MEF2C: variants seen among roughly 807,000 people sequenced by gnomAD.
The protein encoded by MEF2C is myocyte enhancer factor 2C, also known as myocyte-specific enhancer factor 2C.
In MEF2C, 6 loss-of-function variants were observed where a neutral mutation model predicts 50.5. The observed-to-expected ratio is 0.12, with a 90% confidence interval of 0.07 to 0.23. MEF2C has a LOEUF of 0.23. Among genes scored for constraint, MEF2C ranks in the 10% least tolerant of loss-of-function variants. The pLI, the probability that MEF2C is intolerant of heterozygous loss-of-function variation, is 1.00. For synonymous variants in MEF2C, 183 were observed against 228.0 expected, an observed-to-expected ratio of 0.80 and a Z score of 1.78; for missense variants, 276 against 605.0, an observed-to-expected ratio of 0.46 and a Z score of 5.70.
At chr5:88,851,535 G>A (rs1248726224) in intron 1 of MEF2C, among the ~76,000 whole-genome samples, 6 of 152,038 alleles carry the variant, frequency 3.9e-5, no homozygotes, top group African/African-American at 9.7e-5. Context: ...ACCTGTACAA[G>A]TATTGGATGC....
chr5:88,777,902 T>TTC (rs1785658779), intron 3 of MEF2C, among the ~76,000 whole-genome samples: 1 of 131,394 alleles, frequency 7.6e-6, no homozygotes, highest in Non-Finnish European at 1.6e-5. Context: ...TTCTTTTCTT[T>TTC]TTTTTTTTTT....
chr5:88,896,355 C>T (rs1015343121), intron 1 of MEF2C, among the ~76,000 whole-genome samples: 3 of 152,192 alleles, frequency 2.0e-5, no homozygotes, highest in African/African-American at 7.2e-5. Context: ...TTCTGCCCCA[C>T]CAAAGCCACC....
chr5:88,871,461 G>C (rs771715581), intron 1 of MEF2C, among the ~76,000 whole-genome samples: 4 of 151,910 alleles, frequency 2.6e-5, no homozygotes, highest in African/African-American at 4.8e-5. Context: ...AGTATTCCTT[G>C]TGCTGAGCAC....
In MEF2C at chr5:88,851,233, CA is replaced by C. The variant is rs35458971; in HGVS notation, c.-142-27304del. ...GGTGACAGAGTGCCACTCCATCTCA[CA>C]AAAAAAAAAAAAAAAAAAGAATGCA... On this transcript the variant is annotated intron_variant, in intron 1 of 10. Coordinates refer to ENST00000504921, the MANE Select transcript of MEF2C (RefSeq NM_002397.5). 7.9e-3 allele frequency among the ~76,000 whole-genome samples: 846 copies of C among 106,790 alleles called. 8 individuals carry two copies. Among genetic ancestry groups the C allele is most frequent in the African/African-American group, 0.015 (408 of 26,916 alleles). The allele number at this position is 106,790 out of a possible 152,430, so 70.1% of individuals were successfully genotyped here.
chr5:88,717,845 G>C lies in MEF2C; in HGVS notation c.*4759C>G, dbSNP rs1357666656. 1 of 152,016 alleles carries C rather than the reference G, an allele frequency of 6.6e-6. No homozygotes were observed. Among genetic ancestry groups the C allele is most frequent in the Non-Finnish European group, 1.5e-5 (1 of 67,958 alleles). 9.4% of individuals were successfully genotyped at this position (152,016 alleles called of 1,614,324 possible). A position where few individuals can be genotyped will look rare whatever the true frequency, so the allele number is the denominator to read the frequency against. On this transcript the variant is annotated 3_prime_UTR_variant, in exon 11 of 11. Coordinates refer to ENST00000504921, the MANE Select transcript of MEF2C (RefSeq NM_002397.5). ...AACTTTTAGAAATTACTTCGAAGAA[G>C]AAAAAAGGAACTCTTTTGGAAACAC...
At chr5:88,770,972 C>T (rs556124368) in intron 3 of MEF2C, among the ~76,000 whole-genome samples, 3 of 152,222 alleles carry the variant, frequency 2.0e-5, no homozygotes, top group East Asian at 3.8e-4. Context: ...TTCACAGTTT[C>T]ACATGGCTGG....
intron 1 of MEF2C, among the ~76,000 whole-genome samples, chr5:88,854,920 C>T (rs1161111813): frequency 6.6e-6 from 1 of 152,136 alleles, no homozygotes; most frequent in Non-Finnish European, 1.5e-5. Context: ...GGGTCTTGTG[C>T]TTCCGAGAAC....
chr5:88,760,147 T>C, intron 4 of MEF2C, among the ~76,000 whole-genome samples: 1 of 152,242 alleles, frequency 6.6e-6, no homozygotes, highest in East Asian at 1.9e-4. Flanking sequence ...AGCCTTGGGT[T>C]TCACCCCTTT....
intron 1 of MEF2C, among the ~76,000 whole-genome samples, chr5:88,851,171 T>G (rs1821178222): frequency 7.0e-6 from 1 of 143,612 alleles, no homozygotes; most frequent in South Asian, 2.1e-4. Flanking sequence ...AGGTGGAGGT[T>G]GCAGTGAGCC....
intron 1 of MEF2C, among the ~76,000 whole-genome samples, chr5:88,846,948 A>C (rs1220974632): frequency 6.6e-6 from 1 of 152,228 alleles, no homozygotes; most frequent in Non-Finnish European, 1.5e-5. Flanking sequence ...TTGTGGCTGC[A>C]TTGTGAATTT....
intron 6 of MEF2C, among the ~76,000 whole-genome samples, 188 bp from the exon 7 acceptor site, chr5:88,732,089 G>A (rs1216250688): frequency 6.6e-6 from 1 of 152,154 alleles, no homozygotes; most frequent in Non-Finnish European, 1.5e-5. Flanking sequence ...TCTGAAGGAA[G>A]ATTAAAAACT....
chr5:88,748,789 G>A, intron 6 of MEF2C: 1 of 985,426 alleles, frequency 1.0e-6, no homozygotes, highest in Non-Finnish European at 1.2e-6. Flanking sequence ...TTGTGTCCAA[G>A]GATGGTATCC....
At chr5:88,892,556 T>C (rs1834706481) in intron 1 of MEF2C, among the ~76,000 whole-genome samples, 1 of 152,182 alleles carries the variant, frequency 6.6e-6, no homozygotes. Context: ...AGGTGGGAAT[T>C]GGTTCAGGAT....
chr5:88,872,495 C>T (rs1323752162), intron 1 of MEF2C, among the ~76,000 whole-genome samples: 1 of 151,876 alleles, frequency 6.6e-6, no homozygotes, highest in East Asian at 1.9e-4. Context: ...TAGATACTTG[C>T]TCTGAATGTG....
chr5:88,840,779 A>G (rs1487012832), intron 1 of MEF2C, among the ~76,000 whole-genome samples: 1 of 152,190 alleles, frequency 6.6e-6, no homozygotes, highest in African/African-American at 2.4e-5. Flanking sequence ...AAATTATTTA[A>G]TTCACTATTC....
chr5:88,753,028 G>C (rs530513519), intron 4 of MEF2C, among the ~76,000 whole-genome samples: 73 of 152,302 alleles, frequency 4.8e-4, no homozygotes, highest in Middle Eastern at 3.4e-3. Flanking sequence ...TCCCTTGGGG[G>C]TTCTCAATAA....
At chr5:88,821,108 G>A (rs1410203085) in intron 2 of MEF2C, among the ~76,000 whole-genome samples, 1 of 151,814 alleles carries the variant, frequency 6.6e-6, no homozygotes, top group Non-Finnish European at 1.5e-5. Context: ...AAAATGATAA[G>A]TCAAACTAAG....
At chr5:88,858,724 G>C (rs900666617) in intron 1 of MEF2C, among the ~76,000 whole-genome samples, 2 of 152,062 alleles carry the variant, frequency 1.3e-5, no homozygotes, top group African/African-American at 4.8e-5. Flanking sequence ...CTGCATGTCA[G>C]CTAAAGACAA....
intron 6 of MEF2C, chr5:88,738,839 A>G (rs1005219791): frequency 2.0e-6 from 2 of 981,432 alleles, no homozygotes; most frequent in Non-Finnish European, 2.4e-6. Flanking sequence ...AGAGGCACAG[A>G]ATGGTGATGT....
Sources: gnomAD v4.1 joint callset for allele counts (sites outside exome capture counted in the v4.1 genomes callset) on GRCh38, gnomAD v4.1.1 for gene constraint, MANE v1.5 for transcripts, NCBI Gene and HGNC (gene_info 2026-07-23, HGNC 2026-07-21) for gene names.